MTA3: variants seen among roughly 807,000 people sequenced by gnomAD.
MTA3 encodes metastasis associated 1 family member 3.
In MTA3, 34 loss-of-function variants were observed where a neutral mutation model predicts 83.5. The observed-to-expected ratio is 0.41, with a 90% CI of 0.31 to 0.54. The LOEUF (loss-of-function observed/expected upper bound fraction) is 0.54, where lower values mean the gene tolerates loss of function less well. MTA3 is among the 20% of genes least tolerant of loss of function. MTA3 has a pLI of 0.33. For synonymous variants in MTA3, 303 were observed against 252.7 expected (o/e 1.20, Z -1.89); for missense variants, 761 against 726.4 (o/e 1.05, Z -0.55).
At chr2:42,672,774 A>C (rs1030916715) in intron 8 of MTA3, among the ~76,000 whole-genome samples, 1 of 147,582 alleles carries the variant, frequency 6.8e-6, no homozygotes, top group African/African-American at 2.5e-5. Context: ...TTGTTGGATG[A>C]GGGGTTTTGT....
intron 2 of MTA3, among the ~76,000 whole-genome samples, chr2:42,542,692 C>T (rs181244426): frequency 1.3e-5 from 2 of 152,026 alleles, no homozygotes; most frequent in East Asian, 1.9e-4. Flanking sequence ...GCTGGGATTA[C>T]AGGTGCCTGC....
At chr2:42,663,920 T>C (rs779826802) in intron 8 of MTA3, among the ~76,000 whole-genome samples, 12 of 152,224 alleles carry the variant, frequency 7.9e-5, no homozygotes, top group Admixed American at 2.0e-4. Context: ...ATATTCTTTC[T>C]AGTTATTTAT....
intron 8 of MTA3, among the ~76,000 whole-genome samples, chr2:42,669,635 C>T (rs1323947455): frequency 1.3e-5 from 2 of 152,160 alleles, no homozygotes; most frequent in Non-Finnish European, 2.9e-5. Flanking sequence ...TAATATTCTA[C>T]ATTACACACA....
At chr2:42,582,615 C>T (rs1679798417) in intron 3 of MTA3, among the ~76,000 whole-genome samples, 1 of 151,976 alleles carries the variant, frequency 6.6e-6, no homozygotes, top group African/African-American at 2.4e-5. Flanking sequence ...TAGCAAGACC[C>T]TGACTCTATT....
At chr2:42,734,177 C>A (rs1174382270) in intron 16 of MTA3, among the ~76,000 whole-genome samples, 1 of 151,956 alleles carries the variant, frequency 6.6e-6, no homozygotes, top group Non-Finnish European at 1.5e-5. Context: ...CTCTGTAGTG[C>A]AAATAATATT....
At chr2:42,650,084 A>G (rs777096315) in intron 6 of MTA3, among the ~76,000 whole-genome samples, 39 of 152,338 alleles carry the variant, frequency 2.6e-4, no homozygotes, top group Middle Eastern at 6.8e-3. Context: ...CTTCTTAACA[A>G]TGTAGTGGAT....
chr2:42,679,266 C>T (rs1047843961), intron 8 of MTA3, among the ~76,000 whole-genome samples: 2 of 152,152 alleles, frequency 1.3e-5, no homozygotes, highest in African/African-American at 4.8e-5. Context: ...ATGGCTCACT[C>T]CCCTTCTCAT....
At position 42,756,106 on chromosome 2, in the gene MTA3, T is replaced by G; in HGVS notation, c.*2707T>G. On this transcript the variant is annotated 3_prime_UTR_variant, in exon 17 of 17. Coordinates refer to ENST00000405094, the MANE Select transcript of MTA3 (RefSeq NM_001330442.2). ...AAAGCTGAGAGGCAAAACAGGGGAGTGAGGGGCAACCCAGAGGTGGGGAAC... is the reference window on the plus strand; with the variant it reads ...AAAGCTGAGAGGCAAAACAGGGGAGGGAGGGGCAACCCAGAGGTGGGGAAC... 1.2e-6 allele frequency: 1 copy of G among 812,116 alleles called. No individual in the cohort carries two copies. The highest frequency in any genetic ancestry group is 1.5e-6 in the Non-Finnish European group (1 of 672,238). 50.3% of individuals were successfully genotyped at this position (812,116 alleles called of 1,614,324 possible). A position where few individuals can be genotyped will look rare whatever the true frequency, so the allele number is the denominator to read the frequency against.
At chr2:42,694,260 G>C (rs73930455) in intron 9 of MTA3, among the ~76,000 whole-genome samples, 1,962 of 151,920 alleles carry the variant, frequency 0.013, 41 homozygotes, top group African/African-American at 0.044. Flanking sequence ...AGCCACCCTG[G>C]GTGTCTCCCT....
intron 4 of MTA3, among the ~76,000 whole-genome samples, chr2:42,637,126 C>T (rs1379154627): frequency 6.6e-6 from 1 of 152,164 alleles, no homozygotes; most frequent in Non-Finnish European, 1.5e-5. Context: ...TCTTTGTGTC[C>T]CAGCACCCTG....
chr2:42,512,901 T>C (rs574240386), intron 2 of MTA3, among the ~76,000 whole-genome samples: 99 of 152,342 alleles, frequency 6.5e-4, no homozygotes, highest in African/African-American at 2.1e-3. Flanking sequence ...ATTTATATTC[T>C]ATATAAACAT....
At chr2:42,596,707 G>A (rs529698858) in intron 3 of MTA3, among the ~76,000 whole-genome samples, 3 of 152,190 alleles carry the variant, frequency 2.0e-5, no homozygotes, top group African/African-American at 7.2e-5. Flanking sequence ...ATATTCTTAA[G>A]CTTTTTAGAA....
intron 3 of MTA3, among the ~76,000 whole-genome samples, chr2:42,600,767 C>T (rs758035276): frequency 1.2e-4 from 19 of 152,102 alleles, no homozygotes; most frequent in Admixed American, 6.6e-4. Flanking sequence ...TCTTGAACTC[C>T]GGACCTCAGC....
upstream of MTA3, among the ~76,000 whole-genome samples, chr2:42,563,731 G>A (rs1677769001): frequency 2.0e-5 from 3 of 152,080 alleles, no homozygotes; most frequent in South Asian, 6.2e-4. Flanking sequence ...CTCCCAAAGT[G>A]CTGGGATTAC....
intron 3 of MTA3, among the ~76,000 whole-genome samples, chr2:42,606,377 C>G (rs910719346): frequency 4.3e-4 from 64 of 147,324 alleles, no homozygotes; most frequent in Non-Finnish European, 7.5e-4. Flanking sequence ...CTCCTCACTT[C>G]TCAGACGGGG....
Position 42,547,101 on chromosome 2 carries a change from C to T in MTA3, c.-140-23336C>T, listed in dbSNP as rs186526881. On this transcript the variant is annotated intron_variant, in intron 2 of 17. Transcript: ENST00000405592. ...TTTATAAAATACAGATTCCCTGGCC[C>T]CTCCCCCAGAGACAGATTTTGTAGG... Among the ~76,000 whole-genome samples, 25 of 152,176 alleles carry T rather than the reference C, an allele frequency of 1.6e-4. No individual in the cohort carries two copies. The East Asian group carries it at 3.9e-3, about 23-fold the overall frequency.
chr2:42,666,948 A>T (rs1463843848), intron 8 of MTA3, among the ~76,000 whole-genome samples: 2 of 152,218 alleles, frequency 1.3e-5, no homozygotes, highest in Non-Finnish European at 2.9e-5. Flanking sequence ...AGAGCGTCTC[A>T]TCACTAAGAG....
rs76188072 is a variant in MTA3, at chr2:42,580,104, A to G, written c.190+904A>G. On this transcript the variant is annotated intron_variant, in intron 3 of 16. Coordinates refer to ENST00000405094, the MANE Select transcript of MTA3 (RefSeq NM_001330442.2). The stretch of plus-strand genomic sequence containing the variant: ...GTCCACAGGTGTGCACCACGACACC[A>G]GGCTAATTTTAAAAAAGCGTGTTAC... 9.7e-3 allele frequency among the ~76,000 whole-genome samples: 1,470 copies of G among 151,660 alleles called. 31 individuals carry two copies. The highest frequency in any genetic ancestry group is 0.034 in the African/African-American group (1,394 of 41,318).
intron 4 of MTA3, among the ~76,000 whole-genome samples, chr2:42,636,209 C>G (rs1166556338): frequency 2.0e-5 from 3 of 152,116 alleles, no homozygotes; most frequent in African/African-American, 7.2e-5. Flanking sequence ...CTGCACTTTT[C>G]TAAGTGGGTA....
Sources: allele counts gnomAD v4.1 joint callset (sites outside exome capture counted in the v4.1 genomes callset), GRCh38; gene constraint gnomAD v4.1.1; transcripts MANE v1.5; gene names NCBI Gene and HGNC (gene_info 2026-07-23, HGNC 2026-07-21).